The following FAM13A variants were observed in gnomAD, a reference collection of about 807,000 sequenced individuals.
FAM13A encodes family with sequence similarity 13 member A.
FAM13A carries 76 observed loss-of-function variants against 129.6 expected under a neutral mutation model. That is an observed-to-expected ratio of 0.59 (90% CI 0.49 to 0.71). The LOEUF (loss-of-function observed/expected upper bound fraction) is 0.71, where lower values mean the gene tolerates loss of function less well. FAM13A is among the 30% of genes least tolerant of loss of function. The probability of loss-of-function intolerance (pLI) is 0.00; values close to 1 mark genes in which losing one functional copy is unlikely to be tolerated. For synonymous variants in FAM13A, 443 were observed against 449.9 expected (o/e 0.98, Z 0.20); for missense variants, 1,108 against 1,249.3 (o/e 0.89, Z 1.70).
chr4:88,858,044 T>C (rs575529164), intron 6 of FAM13A, among the ~76,000 whole-genome samples: 14 of 152,326 alleles, frequency 9.2e-5, no homozygotes, highest in Middle Eastern at 3.4e-3. Context: ...CACTTAAAAA[T>C]AGTTACGGTA....
intron 4 of FAM13A, among the ~76,000 whole-genome samples, chr4:88,978,015 A>C (rs1761137028): frequency 6.6e-6 from 1 of 152,230 alleles, no homozygotes; most frequent in South Asian, 2.1e-4. Flanking sequence ...TTACTCTAAG[A>C]CTGTATTATA....
intron 13 of FAM13A, 112 bp downstream of exon 13, chr4:88,767,441 G>T: frequency 1.5e-6 from 1 of 673,930 alleles, no homozygotes; most frequent in Non-Finnish European, 2.4e-6. Flanking sequence ...ATCAATCACA[G>T]TTATATTACT....
intron 5 of FAM13A, among the ~76,000 whole-genome samples, chr4:88,927,653 G>T (rs143905956): frequency 1.2e-3 from 188 of 151,918 alleles, no homozygotes; most frequent in African/African-American, 4.4e-3. Context: ...GCCTATAGTT[G>T]TTCATAATAG....
At chr4:88,903,663 T>G (rs1747657686) in intron 6 of FAM13A, among the ~76,000 whole-genome samples, 1 of 151,922 alleles carries the variant, frequency 6.6e-6, no homozygotes, top group Non-Finnish European at 1.5e-5. Flanking sequence ...TTACATTTGT[T>G]GTAAACACTT....
At chr4:88,985,459 G>A (rs563666384) in intron 4 of FAM13A, among the ~76,000 whole-genome samples, 6 of 152,152 alleles carry the variant, frequency 3.9e-5, no homozygotes, top group African/African-American at 1.4e-4. Context: ...GTATATAAAC[G>A]GTGTCTCAAT....
At chr4:88,970,708 T>C (rs1030023313) in intron 4 of FAM13A, among the ~76,000 whole-genome samples, 1 of 152,056 alleles carries the variant, frequency 6.6e-6, no homozygotes, top group Non-Finnish European at 1.5e-5. Context: ...GAAGAAGTCA[T>C]AATTGAAATT....
intron 1 of FAM13A, among the ~76,000 whole-genome samples, chr4:89,047,737 C>CCCCA (rs1324433780): frequency 6.6e-6 from 1 of 152,118 alleles, no homozygotes; most frequent in African/African-American, 2.4e-5. Flanking sequence ...AGGACAAAAA[C>CCCCA]CCCACACCCA....
chr4:88,897,562 T>G (rs539017340), intron 6 of FAM13A, among the ~76,000 whole-genome samples: 4 of 152,338 alleles, frequency 2.6e-5, no homozygotes, highest in Non-Finnish European at 5.9e-5. Context: ...ATTACCATTT[T>G]ACATCTCTAG....
At chr4:88,963,174 A>G (rs1403726454) in intron 4 of FAM13A, among the ~76,000 whole-genome samples, 1 of 152,220 alleles carries the variant, frequency 6.6e-6, no homozygotes, top group Non-Finnish European at 1.5e-5. Flanking sequence ...GTGAAGCTTA[A>G]CAATGTGATA....
At chr4:88,909,433 T>C (rs896536682) in intron 5 of FAM13A, among the ~76,000 whole-genome samples, 1 of 151,806 alleles carries the variant, frequency 6.6e-6, no homozygotes, top group African/African-American at 2.4e-5. Context: ...TTGCCAGGGG[T>C]TGGGAGGAGT....
At chr4:89,025,261 T>TATTTA (rs1560852014) in intron 2 of FAM13A, among the ~76,000 whole-genome samples, 3 of 123,572 alleles carry the variant, frequency 2.4e-5, no homozygotes, top group African/African-American at 8.6e-5. Context: ...TTTTTTTTTT[T>TATTTA]TTTTTTTTTT....
At chr4:88,983,446 A>G (rs1761884776) in intron 4 of FAM13A, among the ~76,000 whole-genome samples, 1 of 152,154 alleles carries the variant, frequency 6.6e-6, no homozygotes, top group Non-Finnish European at 1.5e-5. Flanking sequence ...CACAAGTAAA[A>G]ATGTTTAGTT....
At chr4:88,881,089 G>T (rs964739626) in intron 6 of FAM13A, among the ~76,000 whole-genome samples, 1 of 152,162 alleles carries the variant, frequency 6.6e-6, no homozygotes, top group African/African-American at 2.4e-5. Context: ...GCTCTATGGC[G>T]CTGCCCACCG....
intron 19 of FAM13A, among the ~76,000 whole-genome samples, chr4:88,740,820 A>C (rs73841670): frequency 0.17 from 25,762 of 152,246 alleles, 2,728 homozygotes; most frequent in South Asian, 0.32. Context: ...TGTTACTTGC[A>C]CTTCTGTTAT....
intron 22 of FAM13A, 107 bp downstream of exon 22, chr4:88,731,895 G>A: frequency 2.2e-6 from 2 of 900,168 alleles, no homozygotes; most frequent in Non-Finnish European, 3.3e-6. Flanking sequence ...ACCCCAGGTA[G>A]TCACTTGTAT....
intron 3 of FAM13A, among the ~76,000 whole-genome samples, chr4:89,004,461 C>A (rs535871913): frequency 6.6e-6 from 1 of 152,290 alleles, no homozygotes; most frequent in East Asian, 1.9e-4. Context: ...TCAACTTAGC[C>A]AACGATGAGA....
chr4:88,728,785 G>A lies in FAM13A; in HGVS notation c.2946-126C>T, dbSNP rs1486826484. On this transcript the variant is annotated intron_variant, in intron 23 of 23. Coordinates refer to ENST00000264344, the MANE Select transcript of FAM13A (RefSeq NM_014883.4). ...ATCAACTTGTAGAATCAGTGTTGCC[G>A]AGTGGCCCTTGGTCTCAAGACTGGG... 8 of 1,119,042 alleles carry A rather than the reference G, an allele frequency of 7.1e-6. No individual in the cohort carries two copies. The South Asian group carries it at 7.4e-5, about 10-fold the overall frequency. The allele number at this position is 1,119,042 out of a possible 1,614,324, so 69.3% of individuals were successfully genotyped here. A position where few individuals can be genotyped will look rare whatever the true frequency, so the allele number is the denominator to read the frequency against.
intron 6 of FAM13A, among the ~76,000 whole-genome samples, chr4:88,891,440 A>T (rs542030635): frequency 2.0e-5 from 3 of 152,270 alleles, no homozygotes; most frequent in South Asian, 2.1e-4. Flanking sequence ...AAAAAGAGTA[A>T]GAAAAAAAGA....
At chr4:88,765,456 CA>C (rs1211028785) in intron 13 of FAM13A, among the ~76,000 whole-genome samples, 2 of 152,140 alleles carry the variant, frequency 1.3e-5, no homozygotes, top group Admixed American at 1.3e-4. Context: ...GAGGAGTAAC[CA>C]AAGTATAGAC....
Sources: gnomAD v4.1 joint callset for allele counts (sites outside exome capture counted in the v4.1 genomes callset) on GRCh38, gnomAD v4.1.1 for gene constraint, MANE v1.5 for transcripts, NCBI Gene and HGNC (gene_info 2026-07-23, HGNC 2026-07-21) for gene names.